Variants in CLMP observed in about 807,000 individuals in gnomAD.
The protein encoded by CLMP is CXADR like cell adhesion molecule, also known as CXADR-like membrane protein.
CLMP carries 27 observed loss-of-function variants against 45.2 expected under a neutral mutation model. The ratio of observed to expected loss-of-function variants is 0.60; its 90% CI spans 0.44 to 0.82. The LOEUF (loss-of-function observed/expected upper bound fraction) is 0.82, where lower values mean the gene tolerates loss of function less well. Ranked by LOEUF, CLMP falls within the 40% of genes least tolerant of loss-of-function variation. CLMP has a pLI of 0.00. For synonymous variants in CLMP, 167 were observed against 171.4 expected (o/e 0.97, Z 0.20); for missense variants, 403 against 448.4 (o/e 0.90, Z 0.91).
chr11:123,078,454 T>G (rs1865764496), intron 5 of CLMP, among the ~76,000 whole-genome samples: 1 of 151,996 alleles, frequency 6.6e-6, no homozygotes, highest in African/African-American at 2.4e-5. Flanking sequence ...CAGAAACAGG[T>G]TCTTTTTTTT....
rs556745266 is a variant in CLMP, at chr11:123,162,278, G to T, written c.28+32635C>A. Reference sequence around the variant, plus strand: ...GAACAGACAGCGACTCAGCTTTGAAGAAAGCATCCATTTATTCATTTAACA... The same window carrying T: ...GAACAGACAGCGACTCAGCTTTGAATAAAGCATCCATTTATTCATTTAACA... On this transcript the variant is annotated intron_variant, in intron 1 of 6. Transcript: ENST00000448775. Among the ~76,000 whole-genome samples the T allele has an allele frequency of 2.8e-4, 42 of 152,302 alleles. No homozygotes were observed. In the South Asian group the frequency reaches 8.7e-3, roughly 32 times the overall value.
intron 1 of CLMP, among the ~76,000 whole-genome samples, chr11:123,171,447 CTTT>C (rs758162904): frequency 7.3e-6 from 1 of 136,436 alleles, no homozygotes; most frequent in Non-Finnish European, 1.6e-5. Flanking sequence ...CTTTTCTTTT[CTTT>C]TTTTTTTTTT....
At chr11:123,079,336 G>A (rs1274414108) in intron 5 of CLMP, among the ~76,000 whole-genome samples, 2 of 152,044 alleles carry the variant, frequency 1.3e-5, no homozygotes, top group African/African-American at 4.8e-5. Flanking sequence ...AAAATTAAAA[G>A]GGTGATTTTT....
intron 1 of CLMP, among the ~76,000 whole-genome samples, chr11:123,177,512 T>C (rs1335328591): frequency 6.6e-6 from 1 of 151,988 alleles, no homozygotes; most frequent in Admixed American, 6.6e-5. Flanking sequence ...ACATGAGGGG[T>C]TCATGGGAAT....
At chr11:123,141,208 G>A (rs1315425125) in intron 1 of CLMP, among the ~76,000 whole-genome samples, 2 of 72,788 alleles carry the variant, frequency 2.7e-5, no homozygotes, top group Non-Finnish European at 5.0e-5. Context: ...TTTTTGAGAC[G>A]AAGTCTCACT....
intron 1 of CLMP, among the ~76,000 whole-genome samples, chr11:123,133,180 C>T (rs1417391295): frequency 1.3e-5 from 2 of 152,102 alleles, no homozygotes; most frequent in Non-Finnish European, 2.9e-5. Flanking sequence ...TCCACAGGCT[C>T]TAATGACTGG....
At chr11:123,081,391 T>G (rs1489105911) in intron 5 of CLMP, among the ~76,000 whole-genome samples, 1 of 152,194 alleles carries the variant, frequency 6.6e-6, no homozygotes, top group Non-Finnish European at 1.5e-5. Flanking sequence ...TACTATTTAT[T>G]GCACCAAATA....
chr11:123,073,520 G>A lies in CLMP; in HGVS notation c.1076C>T (p.Thr359Ile). The A allele has an allele frequency of 6.2e-7, 1 of 1,614,186 alleles. No homozygotes were observed. The highest frequency in any genetic ancestry group is 8.5e-7 in the Non-Finnish European group (1 of 1,180,016). Residue 359 changes from threonine to isoleucine, a missense_variant, in exon 7 of 7, where the codon ACA (threonine) becomes ATA (isoleucine). Transcript: ENST00000448775. ...HHANLTKAET[T>I]PSMIPSQSRA... ...GCTCTGGCTGGGGATCATGCTGGGT[G>A]TGGTTTCTGCTTTGGTCAGATTAGC...
At chr11:123,109,713 G>C (rs1430644207) in intron 1 of CLMP, among the ~76,000 whole-genome samples, 2 of 152,240 alleles carry the variant, frequency 1.3e-5, no homozygotes, top group African/African-American at 4.8e-5. Context: ...GGGTGGGAAA[G>C]ACCTGGAGGA....
At chr11:123,140,440 A>G (rs1279766091) in intron 1 of CLMP, among the ~76,000 whole-genome samples, 2 of 152,138 alleles carry the variant, frequency 1.3e-5, no homozygotes, top group African/African-American at 2.4e-5. Flanking sequence ...TTGCTAATGG[A>G]GATCAGTAAG....
chr11:123,096,349 A>G (rs1382111863), intron 2 of CLMP, among the ~76,000 whole-genome samples: 2 of 151,564 alleles, frequency 1.3e-5, no homozygotes, highest in East Asian at 3.9e-4. Flanking sequence ...GTGAGACTTC[A>G]TCTCAAACAA....
At chr11:123,136,113 C>T in intron 1 of CLMP, 1 of 619,734 alleles carries the variant, frequency 1.6e-6, no homozygotes, top group Non-Finnish European at 3.2e-6. Flanking sequence ...CACGTAGCCA[C>T]TATGACTAGC....
chr11:123,097,819 G>C lies in CLMP; in HGVS notation c.162C>G (p.Thr54=). 6 of 1,599,886 alleles carry C rather than the reference G, an allele frequency of 3.8e-6. No homozygotes were observed. The highest frequency in any genetic ancestry group is 5.1e-6 in the Non-Finnish European group (6 of 1,172,946). Residue 54 remains threonine (T), a synonymous_variant, in exon 2 of 7, where the codon ACC becomes ACG. Transcript: ENST00000448775. ...CCACTTTTTGGTTCCCTTCATTATC[G>C]GTGAGCAGCCATTCAATATCCAGAG... ...KDTLDIEWLL[T]DNEGNQKVVI... is the part of the protein sequence containing the mutation.
intron 5 of CLMP, among the ~76,000 whole-genome samples, chr11:123,081,084 T>C (rs1450018109): frequency 2.0e-5 from 3 of 151,118 alleles, no homozygotes; most frequent in Non-Finnish European, 2.9e-5. Flanking sequence ...ACCTGGGAGG[T>C]GGAGGTGGCA....
At chr11:123,089,041 G>A (rs901109787) in intron 2 of CLMP, among the ~76,000 whole-genome samples, 3 of 152,166 alleles carry the variant, frequency 2.0e-5, no homozygotes, top group African/African-American at 2.4e-5. Flanking sequence ...TGCTTTGGAC[G>A]CTAGAACAGT....
chr11:123,139,259 C>A (rs972425588), intron 1 of CLMP, among the ~76,000 whole-genome samples: 1 of 151,700 alleles, frequency 6.6e-6, no homozygotes, highest in African/African-American at 2.4e-5. Context: ...TCCTGAGATT[C>A]CTATTGAATT....
chr11:123,092,197 C>A (rs748065830), intron 2 of CLMP, among the ~76,000 whole-genome samples: 1 of 152,100 alleles, frequency 6.6e-6, no homozygotes, highest in East Asian at 1.9e-4. Flanking sequence ...CATACTGCTA[C>A]CATAGTGCAC....
At chr11:123,079,830 G>A (rs968406596) in intron 5 of CLMP, among the ~76,000 whole-genome samples, 20 of 152,170 alleles carry the variant, frequency 1.3e-4, no homozygotes, top group African/African-American at 4.6e-4. Context: ...ACTCTGTAGG[G>A]GCAACTTGTA....
intron 1 of CLMP, among the ~76,000 whole-genome samples, chr11:123,190,996 G>C (rs542099849): frequency 5.3e-5 from 8 of 152,204 alleles, no homozygotes; most frequent in Non-Finnish European, 1.2e-4. Flanking sequence ...CATAGATTTA[G>C]ATGAAAGATT....
Sources: gnomAD v4.1 joint callset for allele counts (sites outside exome capture counted in the v4.1 genomes callset) on GRCh38, gnomAD v4.1.1 for gene constraint, MANE v1.5 for transcripts, NCBI Gene and HGNC (gene_info 2026-07-23, HGNC 2026-07-21) for gene names.